YWHAZ: variants seen among roughly 807,000 people sequenced by gnomAD.
YWHAZ encodes the protein tyrosine 3-monooxygenase/tryptophan 5-monooxygenase activation protein zeta.
For missense variants in YWHAZ, 79 were observed against 284.8 expected (o/e 0.28, Z 5.20); for synonymous variants, 87 against 103.6 (o/e 0.84, Z 0.97).
At chr8:100,951,561 G>C (rs1385376342) in intron 1 of YWHAZ, 1 of 985,336 alleles carries the variant, frequency 1.0e-6, no homozygotes, top group Non-Finnish European at 1.2e-6. Flanking sequence ...ACAAGGGTGG[G>C]GATGGATCGC....
At chr8:100,938,402 AAT>A (rs1168793404) in intron 2 of YWHAZ, among the ~76,000 whole-genome samples, 1 of 152,192 alleles carries the variant, frequency 6.6e-6, no homozygotes, top group African/African-American at 2.4e-5. Flanking sequence ...CCTAAAATTC[AAT>A]GACTCAATGA....
At position 100,916,890 on chromosome 8, in the gene YWHAZ, T is replaced by C. The variant is rs1261644216; in HGVS notation, c.*3803A>G. ...AGTCACATAAAAGTATTTAATTAGT[T>C]TCACACTTAGAAAAGAATCCAAGTC... On this transcript the variant is annotated 3_prime_UTR_variant, in exon 6 of 6. Transcript: ENST00000395958. 2 of 136,684 alleles carry C rather than the reference T, an allele frequency of 1.5e-5. No individual in the cohort carries two copies. Among genetic ancestry groups the C allele is most frequent in the East Asian group, 5.1e-4 (2 of 3,934 alleles). 8.5% of individuals were successfully genotyped at this position (136,684 alleles called of 1,614,324 possible). A position where few individuals can be genotyped will look rare whatever the true frequency, so the allele number is the denominator to read the frequency against.
At chr8:100,927,873 C>T (rs1280615082) in intron 2 of YWHAZ, among the ~76,000 whole-genome samples, 1 of 152,146 alleles carries the variant, frequency 6.6e-6, no homozygotes, top group Non-Finnish European at 1.5e-5. Context: ...TGTTAGAACC[C>T]ACAAGTAACA....
intron 2 of YWHAZ, among the ~76,000 whole-genome samples, chr8:100,934,157 CAAAA>C (rs35069019): frequency 0.071 from 5,564 of 78,014 alleles, 251 homozygotes; most frequent in African/African-American, 0.094. Context: ...AGACTCGTCT[CAAAA>C]AAAAAAAAAA....
chr8:100,938,150 C>T (rs1480080561), intron 2 of YWHAZ, among the ~76,000 whole-genome samples: 1 of 152,140 alleles, frequency 6.6e-6, no homozygotes, highest in Non-Finnish European at 1.5e-5. Context: ...AAAAACCCCA[C>T]TGTTTTCAAT....
chr8:100,940,278 G>T (rs3134356), intron 2 of YWHAZ, among the ~76,000 whole-genome samples: 73,864 of 151,840 alleles, frequency 0.49, 18,170 homozygotes, highest in East Asian at 0.64. Flanking sequence ...TTTGTTGTTG[G>T]TGGTGGTGGT....
At position 100,924,925 on chromosome 8, in the gene YWHAZ, C is replaced by T; in HGVS notation, c.409G>A (p.Asp137Asn). 1 of 1,612,448 alleles carries T rather than the reference C, an allele frequency of 6.2e-7. No homozygotes were observed. The highest frequency in any genetic ancestry group is 8.5e-7 in the Non-Finnish European group (1 of 1,179,818). Reference protein sequence around the residue: ...RYLAEVAAGDDKKGIVDQSQQ... With the variant: ...RYLAEVAAGDNKKGIVDQSQQ... ...TTTAAAAACAGCATACCTTTCTTGT[C>T]ATCACCAGCGGCAACCTCAGCCAAG... Residue 137 changes from aspartate to asparagine, a missense_variant, in exon 3 of 6, where the codon GAC becomes AAC. By Grantham distance (23) the Asp-to-Asn change is conservative. Coordinates refer to ENST00000395958, the MANE Select transcript of YWHAZ (RefSeq NM_145690.3). The surrounding 1 kb of genome is among the most constrained non-coding windows in gnomAD (Gnocchi z 5.7).
chr8:100,937,979 A>G (rs1025345526), intron 2 of YWHAZ, among the ~76,000 whole-genome samples: 5 of 152,152 alleles, frequency 3.3e-5, no homozygotes, highest in African/African-American at 1.2e-4. Flanking sequence ...AAAAATACAG[A>G]ATTAGCTGGG....
chr8:100,941,210 A>G (rs1007521858), intron 2 of YWHAZ, among the ~76,000 whole-genome samples: 1 of 152,208 alleles, frequency 6.6e-6, no homozygotes, highest in Non-Finnish European at 1.5e-5. Context: ...TTAAGTAGGT[A>G]TTTTGCATAA....
chr8:100,930,429 T>TA (rs1813686597), intron 2 of YWHAZ, among the ~76,000 whole-genome samples: 1 of 152,256 alleles, frequency 6.6e-6, no homozygotes, highest in South Asian at 2.1e-4. Flanking sequence ...CTAGGTTGAC[T>TA]GAAGGTTCAA....
At position 100,947,991 on chromosome 8, in the gene YWHAZ, A is replaced by G. The variant is rs187365645; in HGVS notation, c.294+605T>C. Reference sequence around the variant, plus strand: ...AGTGCTTCAACACAGTAAGTACTGAATACTTAAAATACTCGATTCAAACTG... The same window carrying G: ...AGTGCTTCAACACAGTAAGTACTGAGTACTTAAAATACTCGATTCAAACTG... On this transcript the variant is annotated intron_variant, in intron 2 of 5. Transcript: ENST00000395958. The G allele has an allele frequency of 4.1e-4, 396 of 974,134 alleles. 1 individual carries two copies. The African/African-American group carries it at 5.9e-3, about 14-fold the overall frequency. 60.3% of individuals were successfully genotyped at this position (974,134 alleles called of 1,614,324 possible).
chr8:100,939,227 C>G (rs149249146), intron 2 of YWHAZ, among the ~76,000 whole-genome samples: 1 of 148,228 alleles, frequency 6.7e-6, no homozygotes, highest in East Asian at 2.0e-4. Flanking sequence ...TGTTCTAAAA[C>G]TTTTTTTTTT....
intron 2 of YWHAZ, among the ~76,000 whole-genome samples, chr8:100,938,933 A>G (rs1814405134): frequency 6.6e-6 from 1 of 152,252 alleles, no homozygotes; most frequent in African/African-American, 2.4e-5. Flanking sequence ...GGCCTAACAG[A>G]ATAAGATTTT....
At chr8:100,936,709 G>A (rs1464181087) in intron 2 of YWHAZ, among the ~76,000 whole-genome samples, 1 of 152,148 alleles carries the variant, frequency 6.6e-6, no homozygotes, top group Non-Finnish European at 1.5e-5. Context: ...GCTGAGGCAG[G>A]TGAATCGCTT....
rs1004593199 is a variant in YWHAZ, at chr8:100,922,441, T to TAG, written c.678+1512_678+1513dup. The TAG allele has an allele frequency of 6.6e-6, 1 of 151,266 alleles. No homozygotes were observed. The highest frequency in any genetic ancestry group is 2.4e-5 in the African/African-American group (1 of 41,114). The allele number at this position is 151,266 out of a possible 1,614,324, so 9.4% of individuals were successfully genotyped here. A position where few individuals can be genotyped will look rare whatever the true frequency, so the allele number is the denominator to read the frequency against. On this transcript the variant is annotated intron_variant, in intron 5 of 5. Transcript: ENST00000395958. This position sits in a 1 kb window ranked among gnomAD's most constrained non-coding sequence, Gnocchi z 4.1. The stretch of plus-strand genomic sequence containing the variant: ...TCGCTCTTTTGCCCAGGCTGGAGTG[T>TAG]AGCGGTGTGATCTCAGCTCACTGCA...
rs924231426 is a variant in YWHAZ, at chr8:100,931,536, C to T, written c.295-6497G>A. On this transcript the variant is annotated intron_variant, in intron 2 of 5. Transcript: ENST00000395958. Reference sequence around the variant, plus strand: ...AAGAAAAGCTTGATGTAATGCAAATCGTATAAACTCTAAAACCAGGCAGAC... The same window carrying T: ...AAGAAAAGCTTGATGTAATGCAAATTGTATAAACTCTAAAACCAGGCAGAC... Among the ~76,000 whole-genome samples the T allele has an allele frequency of 9.2e-5, 14 of 152,256 alleles. 1 individual carries two copies. In the South Asian group the frequency reaches 2.7e-3, roughly 29 times the overall value.
In YWHAZ at chr8:100,924,335, G is replaced by T. The variant is rs765066672; in HGVS notation, c.419-37C>A. The T allele has an allele frequency of 1.3e-6, 2 of 1,590,112 alleles. No homozygotes were observed. The highest frequency in any genetic ancestry group is 3.5e-5 in the Admixed American group (2 of 56,646). Reference sequence around the variant, plus strand: ...ACACCAAAACGTACTGAGATAAAGTGTGCATTATATCTTCACCCCTCAAAC... The same window carrying T: ...ACACCAAAACGTACTGAGATAAAGTTTGCATTATATCTTCACCCCTCAAAC... On this transcript the variant is annotated intron_variant, in intron 3 of 5. Coordinates refer to ENST00000395958, the MANE Select transcript of YWHAZ (RefSeq NM_145690.3). This position sits in a 1 kb window ranked among gnomAD's most constrained non-coding sequence, Gnocchi z 5.7.
intron 2 of YWHAZ, among the ~76,000 whole-genome samples, chr8:100,939,575 C>T (rs1814469492): frequency 6.6e-6 from 1 of 152,058 alleles, no homozygotes; most frequent in Non-Finnish European, 1.5e-5. Context: ...AGGAGAATCG[C>T]TTGAACCCAG....
chr8:100,938,202 T>TC (rs963873088), intron 2 of YWHAZ, among the ~76,000 whole-genome samples: 17 of 151,938 alleles, frequency 1.1e-4, no homozygotes, highest in African/African-American at 2.4e-4. Context: ...CAACTCCTCA[T>TC]CCCCCCCTAC....
Sources: gnomAD v4.1 joint callset for allele counts (sites outside exome capture counted in the v4.1 genomes callset) on GRCh38, gnomAD v4.1.1 for gene constraint, Gnocchi (gnomAD v3.1) non-coding constraint, MANE v1.5 for transcripts, NCBI Gene and HGNC (gene_info 2026-07-23, HGNC 2026-07-21) for gene names.